The following FGD4 variants were observed in gnomAD, a reference collection of about 807,000 sequenced individuals.
FGD4 encodes the protein FYVE, RhoGEF and PH domain containing 4, also known as FYVE, RhoGEF and PH domain-containing protein 4.
A neutral mutation model predicts 102.0 loss-of-function variants in FGD4; 42 were observed. That is an observed-to-expected ratio of 0.41 (90% confidence interval 0.32 to 0.53). The LOEUF (loss-of-function observed/expected upper bound fraction) is 0.53, where lower values mean the gene tolerates loss of function less well. FGD4 is among the 20% of genes least tolerant of loss of function. The pLI is 0.21. For synonymous variants in FGD4, 380 were observed against 375.7 expected (o/e 1.01, Z -0.13); for missense variants, 902 against 1,078.2 (o/e 0.84, Z 2.29).
chr12:32,573,969 T>C (rs983651934), intron 2 of FGD4, among the ~76,000 whole-genome samples: 13 of 152,240 alleles, frequency 8.5e-5, no homozygotes, highest in African/African-American at 2.9e-4. Context: ...ACCTTTAAAT[T>C]CATAATATAT....
At chr12:32,548,254 G>C (rs1943384190) in intron 1 of FGD4, among the ~76,000 whole-genome samples, 1 of 152,144 alleles carries the variant, frequency 6.6e-6, no homozygotes, top group Non-Finnish European at 1.5e-5. Flanking sequence ...TTGGATTATA[G>C]ATCTTCAATG....
intron 1 of FGD4, among the ~76,000 whole-genome samples, chr12:32,514,095 C>G (rs1480377442): frequency 6.6e-6 from 1 of 152,150 alleles, no homozygotes; most frequent in Non-Finnish European, 1.5e-5. Flanking sequence ...TAATTGTTGC[C>G]TATCAACAGG....
At chr12:32,573,014 C>T (rs1945800237) in intron 2 of FGD4, among the ~76,000 whole-genome samples, 1 of 152,242 alleles carries the variant, frequency 6.6e-6, no homozygotes, top group African/African-American at 2.4e-5. Context: ...GTATCAATTC[C>T]TGGGTTGCTT....
At chr12:32,448,653 C>A (rs1257677858) in intron 1 of FGD4, among the ~76,000 whole-genome samples, 1 of 145,740 alleles carries the variant, frequency 6.9e-6, no homozygotes, top group African/African-American at 2.5e-5. Context: ...AATGAAACTC[C>A]ATCGCAAAAA....
chr12:32,480,887 T>TTA (rs1943740447), intron 1 of FGD4, among the ~76,000 whole-genome samples: 1 of 151,374 alleles, frequency 6.6e-6, no homozygotes, highest in Admixed American at 6.6e-5. Flanking sequence ...CACTACAGCC[T>TTA]TGACGTCCTG....
chr12:32,602,473 A>G (rs190425816), intron 7 of FGD4, among the ~76,000 whole-genome samples, 156 bp downstream of exon 7: 25 of 152,358 alleles, frequency 1.6e-4, no homozygotes, highest in Admixed American at 1.2e-3. Flanking sequence ...CAATGCTGAA[A>G]TACGTATCAG....
chr12:32,478,377 G>A (rs544758414), intron 1 of FGD4, among the ~76,000 whole-genome samples: 11 of 152,208 alleles, frequency 7.2e-5, no homozygotes, highest in South Asian at 6.2e-4. Flanking sequence ...CAATTGTCAC[G>A]CCTCATCGTC....
At chr12:32,437,184 T>C (rs1475680792) in intron 1 of FGD4, among the ~76,000 whole-genome samples, 2 of 151,232 alleles carry the variant, frequency 1.3e-5, no homozygotes, top group African/African-American at 4.9e-5. Context: ...GCAGCAGGAA[T>C]GTAAATACAT....
At chr12:32,451,778 G>A (rs1465550600) in intron 1 of FGD4, among the ~76,000 whole-genome samples, 3 of 126,590 alleles carry the variant, frequency 2.4e-5, no homozygotes, top group African/African-American at 9.1e-5. Flanking sequence ...TATAGTGGCA[G>A]TGCTGAGATC....
intron 1 of FGD4, among the ~76,000 whole-genome samples, chr12:32,496,527 T>A (rs7297744): frequency 0.17 from 25,672 of 152,162 alleles, 3,088 homozygotes; most frequent in African/African-American, 0.34. Flanking sequence ...GCTTTTATTG[T>A]CTGTGGAGTT....
chr12:32,638,304 G>A (rs916367019), intron 15 of FGD4, among the ~76,000 whole-genome samples: 5 of 152,192 alleles, frequency 3.3e-5, no homozygotes, highest in African/African-American at 9.6e-5. Flanking sequence ...GCATGCCAAT[G>A]TGTGATCTTG....
intron 1 of FGD4, among the ~76,000 whole-genome samples, chr12:32,535,543 G>T (rs1453669964): frequency 3.3e-5 from 5 of 152,000 alleles, no homozygotes. Context: ...TCAGGCAGAA[G>T]CCTGAATTCT....
intron 15 of FGD4, among the ~76,000 whole-genome samples, chr12:32,635,688 C>T (rs1592497097): frequency 6.6e-6 from 1 of 151,996 alleles, no homozygotes; most frequent in Non-Finnish European, 1.5e-5. Flanking sequence ...TTTTTTTTTA[C>T]AAAATTAAAA....
intron 1 of FGD4, among the ~76,000 whole-genome samples, chr12:32,492,754 C>T (rs1182845057): frequency 2.0e-5 from 3 of 151,958 alleles, no homozygotes; most frequent in Non-Finnish European, 2.9e-5. Context: ...AAATAAGCTA[C>T]GTTGGTTATA....
intron 1 of FGD4, among the ~76,000 whole-genome samples, chr12:32,452,138 A>C (rs989169606): frequency 6.6e-6 from 1 of 152,096 alleles, no homozygotes; most frequent in African/African-American, 2.4e-5. Flanking sequence ...TCTTCTTTAC[A>C]TTTCCTTTTG....
chr12:32,502,056 AG>A, intron 1 of FGD4: 1 of 985,486 alleles, frequency 1.0e-6, no homozygotes, highest in Non-Finnish European at 1.2e-6. Flanking sequence ...GCACAAAGAC[AG>A]CGATTGTTAC....
intron 1 of FGD4, among the ~76,000 whole-genome samples, chr12:32,477,227 G>T (rs369784587): frequency 6.6e-6 from 1 of 151,812 alleles, no homozygotes; most frequent in Non-Finnish European, 1.5e-5. Context: ...GGCAGAAGTT[G>T]TAGTGAGCTG....
chr12:32,591,150 G>A (rs538993812), intron 4 of FGD4, among the ~76,000 whole-genome samples: 1 of 152,020 alleles, frequency 6.6e-6, no homozygotes, highest in South Asian at 2.1e-4. Context: ...TGTACAAAGG[G>A]TACCCACTCT....
At chr12:32,476,491 G>T (rs1943587516) in intron 1 of FGD4, among the ~76,000 whole-genome samples, 1 of 152,126 alleles carries the variant, frequency 6.6e-6, no homozygotes, top group Non-Finnish European at 1.5e-5. Flanking sequence ...AGTTGGAATT[G>T]TCAACTGGGA....
Sources: allele counts gnomAD v4.1 joint callset (sites outside exome capture counted in the v4.1 genomes callset), GRCh38; gene constraint gnomAD v4.1.1; transcripts MANE v1.5; gene names NCBI Gene and HGNC (gene_info 2026-07-23, HGNC 2026-07-21).